PPP2R3C: variants seen among roughly 807,000 people sequenced by gnomAD.
PPP2R3C encodes serine/threonine-protein phosphatase 2A regulatory subunit B'' subunit gamma.
Under a neutral mutation model 63.7 loss-of-function variants are expected in PPP2R3C, and 47 were observed. That is an observed-to-expected ratio of 0.74 (90% CI 0.58 to 0.94). The LOEUF is 0.94. Among genes scored for constraint, PPP2R3C ranks in the 40% least tolerant of loss-of-function variants. The pLI, the probability that PPP2R3C is intolerant of heterozygous loss-of-function variation, is 0.00. For missense variants in PPP2R3C, 421 were observed against 518.4 expected (o/e 0.81, Z 1.82); for synonymous variants, 180 against 177.4 (o/e 1.01, Z -0.12).
intron 7 of PPP2R3C, among the ~76,000 whole-genome samples, chr14:35,098,004 T>C (rs917094229): frequency 1.3e-5 from 2 of 152,078 alleles, no homozygotes; most frequent in Non-Finnish European, 2.9e-5. Context: ...GTACCTTCCT[T>C]ATGGGGTTAT....
intron 1 of PPP2R3C, 149 bp downstream of exon 1, chr14:35,121,752 CT>C (rs2046904986): frequency 4.6e-6 from 4 of 872,860 alleles, no homozygotes; most frequent in Middle Eastern, 3.5e-4. Context: ...TATCGGGATC[CT>C]TAAACCACAT....
At chr14:35,108,496 G>A (rs1403498366) in intron 4 of PPP2R3C, among the ~76,000 whole-genome samples, 1 of 151,676 alleles carries the variant, frequency 6.6e-6, no homozygotes, top group Non-Finnish European at 1.5e-5. Flanking sequence ...TGAGTCAAGA[G>A]ATCGAGACCA....
At chr14:35,115,736 C>T (rs768191972) in intron 2 of PPP2R3C, among the ~76,000 whole-genome samples, 10 of 152,096 alleles carry the variant, frequency 6.6e-5, no homozygotes, top group Non-Finnish European at 1.2e-4. Context: ...ATTCTCCTGC[C>T]TCAGCCTCCT....
intron 2 of PPP2R3C, 135 bp from the exon 3 acceptor site, chr14:35,110,764 T>C (rs576735889): frequency 6.0e-4 from 360 of 602,912 alleles, no homozygotes; most frequent in Non-Finnish European, 9.1e-4. Context: ...GTGCTTAACA[T>C]TTGTTTAACA....
At chr14:35,100,308 T>C (rs1384582154) in intron 6 of PPP2R3C, 1 of 152,206 alleles carries the variant, frequency 6.6e-6, no homozygotes, top group Non-Finnish European at 1.5e-5. Context: ...TGTGGAAGAA[T>C]ATAGAATACA....
Position 35,085,497 on chromosome 14 carries a change from T to C in PPP2R3C, c.*93A>G. 1 of 1,201,904 alleles carries C rather than the reference T, an allele frequency of 8.3e-7. No individual in the cohort carries two copies. The highest frequency in any genetic ancestry group is 1.1e-6 in the Non-Finnish European group (1 of 883,714). 74.5% of individuals were successfully genotyped at this position (1,201,904 alleles called of 1,614,324 possible). ...TGTGTTCTCTAGGCATATCAAGTGT[T>C]TTATTTAGACCATTTCTGAGGATTT... is the stretch of plus-strand genomic sequence containing the variant. On this transcript the variant is annotated 3_prime_UTR_variant, in exon 13 of 13. Coordinates refer to ENST00000261475, the MANE Select transcript of PPP2R3C (RefSeq NM_017917.4).
At chr14:35,119,263 C>T (rs1002378051) in intron 1 of PPP2R3C, among the ~76,000 whole-genome samples, 3 of 152,098 alleles carry the variant, frequency 2.0e-5, no homozygotes, top group African/African-American at 7.2e-5. Flanking sequence ...GTCTTGAACT[C>T]CTGACCTCAA....
chr14:35,092,165 C>G (rs1595080279), intron 10 of PPP2R3C, among the ~76,000 whole-genome samples: 1 of 152,116 alleles, frequency 6.6e-6, no homozygotes, highest in East Asian at 1.9e-4. Context: ...ATCTCCCAGG[C>G]TCAAGCAATC....
intron 6 of PPP2R3C, chr14:35,101,070 G>A (rs897777063): frequency 1.3e-5 from 2 of 152,210 alleles, no homozygotes; most frequent in African/African-American, 4.8e-5. Flanking sequence ...CCACCTCCCG[G>A]GTTCAAGCGA....
intron 9 of PPP2R3C, among the ~76,000 whole-genome samples, chr14:35,096,050 A>G (rs1288000909): frequency 1.3e-5 from 2 of 152,162 alleles, no homozygotes; most frequent in African/African-American, 4.8e-5. Context: ...TATAACTTAA[A>G]AAGGGTTCTG....
chr14:35,101,044 C>T (rs113590838), intron 6 of PPP2R3C: 25,784 of 152,224 alleles, frequency 0.17, 2,441 homozygotes, highest in East Asian at 0.31. Flanking sequence ...GGCGAAATCT[C>T]AGCTTACTGC....
intron 2 of PPP2R3C, among the ~76,000 whole-genome samples, chr14:35,110,881 A>T (rs1289940252): frequency 6.6e-6 from 1 of 152,146 alleles, no homozygotes; most frequent in Non-Finnish European, 1.5e-5. Flanking sequence ...TTCTTAAAGC[A>T]CTGTGTTTCT....
At chr14:35,100,223 TTA>T (rs1179058467) in intron 6 of PPP2R3C, 1 of 152,214 alleles carries the variant, frequency 6.6e-6, no homozygotes, top group African/African-American at 2.4e-5. Context: ...ATTGGGACAT[TTA>T]GTTTTTTCCT....
rs932368309 is a variant in PPP2R3C at position 35,119,323 on chromosome 14, CCA to C, written c.58+2577_58+2578del. On this transcript the variant is annotated intron_variant, in intron 1 of 12. Transcript: ENST00000261475. The stretch of plus-strand genomic sequence containing the variant: ...GAAGTGTTGGGATTACAGGTGTAAG[CCA>C]CAGTGCCCAGCCCAAATGAATTTTT... Among the ~76,000 whole-genome samples, 3 of 149,120 alleles carry C rather than the reference CCA, an allele frequency of 2.0e-5. No individual in the cohort carries two copies. In the Admixed American group the frequency reaches 2.0e-4, roughly 10 times the overall value.
At chr14:35,089,620 C>T (rs893464546) in intron 11 of PPP2R3C, among the ~76,000 whole-genome samples, 14 of 152,014 alleles carry the variant, frequency 9.2e-5, no homozygotes, top group African/African-American at 3.4e-4. Flanking sequence ...TCCCTAAGTG[C>T]TAGGATTACA....
At chr14:35,097,570 C>T (rs2046039385) in intron 7 of PPP2R3C, among the ~76,000 whole-genome samples, 1 of 150,994 alleles carries the variant, frequency 6.6e-6, no homozygotes. Context: ...GCAATCTCTG[C>T]CTCCTGGGTT....
Position 35,107,345 on chromosome 14 carries a change from T to C in PPP2R3C, c.532A>G (p.Ser178Gly). 1.2e-6 allele frequency: 2 copies of C among 1,609,480 alleles called. No individual in the cohort carries two copies. The highest frequency in any genetic ancestry group is 1.7e-6 in the Non-Finnish European group (2 of 1,175,768). The change falls in exon 6 of 13, where the codon AGT becomes GGT. Residue 178 changes from serine (S) to glycine (G), a missense_variant. By Grantham distance (56) the Ser-to-Gly change is moderately conservative (BLOSUM62 0). This residue lies in a region of PPP2R3C where 47 missense variants were observed against 102.3 expected (regional missense o/e 0.46). Coordinates refer to ENST00000261475, the MANE Select transcript of PPP2R3C (RefSeq NM_017917.4). ...CCCTGCCCAGCGACATCATATAAACTGAGTCCTATTCTTGTTTGATGAAGC... is the reference window on the plus strand; with the variant it reads ...CCCTGCCCAGCGACATCATATAAACCGAGTCCTATTCTTGTTTGATGAAGC... ...VWLHQTRIGL[S>G]LYDVAGQGYL...
At position 35,091,129 on chromosome 14, in the gene PPP2R3C, GT is replaced by G; in HGVS notation, c.1053del (p.Lys351AsnfsTer11). ...KEPAALQYIF[K>X]LLDIENKGYL... ...TATCCTTTGTTCTCAATATCAAGCAGTTTGAAAATATATTGTAGAGCTGCAG... is the reference window on the plus strand; with the variant it reads ...TATCCTTTGTTCTCAATATCAAGCAGTTGAAAATATATTGTAGAGCTGCAG... On this transcript the variant is annotated frameshift_variant, in exon 11 of 13. Coordinates refer to ENST00000261475, the MANE Select transcript of PPP2R3C (RefSeq NM_017917.4). LOFTEE classifies it high-confidence loss of function. 1 of 1,608,090 alleles carries G rather than the reference GT, an allele frequency of 6.2e-7. No individual in the cohort carries two copies. The highest frequency in any genetic ancestry group is 1.1e-5 in the South Asian group (1 of 90,808).
chr14:35,116,602 C>A lies in PPP2R3C; in HGVS notation c.186+8G>T. On this transcript the variant is annotated splice_region_variant and intron_variant, in intron 2 of 12. Coordinates refer to ENST00000261475, the MANE Select transcript of PPP2R3C (RefSeq NM_017917.4). ...ACTCTGCAGGACATTTGATTAGACA[C>A]TACTTACCCTATAATAAAACCGGGG... 1 of 1,579,010 alleles carries A rather than the reference C, an allele frequency of 6.3e-7. No individual in the cohort carries two copies. The highest frequency in any genetic ancestry group is 1.2e-5 in the South Asian group (1 of 86,418).
Sources: gnomAD v4.1 joint callset for allele counts (sites outside exome capture counted in the v4.1 genomes callset) on GRCh38, gnomAD v4.1.1 for gene constraint, gnomAD v4.1.1 regional missense constraint, MANE v1.5 for transcripts, NCBI Gene and HGNC (gene_info 2026-07-23, HGNC 2026-07-21) for gene names.